LINGO1: variants seen among roughly 807,000 people sequenced by gnomAD.
The protein encoded by LINGO1 is leucine-rich repeat and immunoglobulin-like domain-containing nogo receptor-interacting protein 1.
In LINGO1, 11 loss-of-function variants were observed where a neutral mutation model predicts 37.3. That is an observed-to-expected ratio of 0.29 (90% confidence interval 0.19 to 0.49). LINGO1 has a LOEUF of 0.49. Among genes scored for constraint, LINGO1 ranks in the 20% least tolerant of loss-of-function variants. The pLI, the probability that LINGO1 is intolerant of heterozygous loss-of-function variation, is 0.99. For missense variants in LINGO1, 585 were observed against 878.2 expected (o/e 0.67, Z 4.22); for synonymous variants, 387 against 403.0 (o/e 0.96, Z 0.48).
chr15:77,710,003 G>T (rs1214526099), intron 2 of LINGO1, among the ~76,000 whole-genome samples: 2 of 152,240 alleles, frequency 1.3e-5, no homozygotes, highest in African/African-American at 4.8e-5. Context: ...AAAAGGGTGG[G>T]TCTGAGAAGG....
At chr15:77,736,067 G>C (rs1464029602) in intron 1 of LINGO1, among the ~76,000 whole-genome samples, 1 of 152,172 alleles carries the variant, frequency 6.6e-6, no homozygotes, top group Non-Finnish European at 1.5e-5. Flanking sequence ...TTTTTAAGAG[G>C]TTCAAATACA....
chr15:77,724,948 C>G (rs1203362133), intron 2 of LINGO1, among the ~76,000 whole-genome samples: 1 of 152,244 alleles, frequency 6.6e-6, no homozygotes, highest in Non-Finnish European at 1.5e-5. Context: ...CCGGCCACCG[C>G]CCCACCCCAG....
chr15:77,757,502 T>C (rs566915804), intron 1 of LINGO1, among the ~76,000 whole-genome samples: 1 of 152,348 alleles, frequency 6.6e-6, no homozygotes, highest in East Asian at 1.9e-4. Context: ...AGTTCCTTCA[T>C]TGGTCGATGG....
At chr15:77,664,164 TGTGTGTGCGC>T (rs1214925128) in intron 3 of LINGO1, among the ~76,000 whole-genome samples, 1 of 107,898 alleles carries the variant, frequency 9.3e-6, no homozygotes, top group Non-Finnish European at 2.0e-5. Context: ...TGTGTGTGTG[TGTGTGTGCGC>T]GCGCGCATGC....
intron 1 of LINGO1, among the ~76,000 whole-genome samples, chr15:77,620,513 T>C (rs2073884677): frequency 6.6e-6 from 1 of 152,148 alleles, no homozygotes; most frequent in African/African-American, 2.4e-5. Flanking sequence ...CAGGCAATGC[T>C]CCCTGACACA....
At chr15:77,794,667 A>C (rs1359684528) in intron 2 of LINGO1, among the ~76,000 whole-genome samples, 1 of 147,494 alleles carries the variant, frequency 6.8e-6, no homozygotes, top group Non-Finnish European at 1.5e-5. Flanking sequence ...GGCTCACTGC[A>C]AGCTCCACCT....
intron 3 of LINGO1, among the ~76,000 whole-genome samples, chr15:77,663,990 G>A (rs929987545): frequency 1.3e-5 from 2 of 152,166 alleles, no homozygotes; most frequent in East Asian, 1.9e-4. Flanking sequence ...GGCAGGACCC[G>A]GGCAAGCCTT....
At chr15:77,813,667 A>C (rs2077025229) in intron 1 of LINGO1, among the ~76,000 whole-genome samples, 1 of 152,206 alleles carries the variant, frequency 6.6e-6, no homozygotes, top group African/African-American at 2.4e-5. Context: ...ATCAAATTGC[A>C]GGACAGGGGA....
intron 2 of LINGO1, among the ~76,000 whole-genome samples, chr15:77,734,428 G>A (rs1234801659): frequency 1.3e-5 from 2 of 151,922 alleles, no homozygotes; most frequent in Non-Finnish European, 2.9e-5. Flanking sequence ...AAAGTTGGGG[G>A]CTACTGGGGT....
chr15:77,796,866 C>A (rs566229533), intron 1 of LINGO1, among the ~76,000 whole-genome samples: 2 of 152,192 alleles, frequency 1.3e-5, no homozygotes, highest in Admixed American at 1.3e-4. Flanking sequence ...GTGTGTATCA[C>A]CACACCTGGC....
At chr15:77,781,583 C>T (rs1670089018) in intron 1 of LINGO1, among the ~76,000 whole-genome samples, 1 of 152,228 alleles carries the variant, frequency 6.6e-6, no homozygotes, top group East Asian at 1.9e-4. Flanking sequence ...GGAGGCCCCC[C>T]AGTCGCTGCA....
intron 1 of LINGO1, among the ~76,000 whole-genome samples, chr15:77,773,210 C>A (rs2076603310): frequency 6.6e-6 from 1 of 152,188 alleles, no homozygotes; most frequent in Admixed American, 6.5e-5. Flanking sequence ...GGAGGCCGGA[C>A]CATGTGACTG....
At chr15:77,634,216 C>G (rs953532263), upstream of LINGO1, 37 of 445,924 alleles carry the variant, frequency 8.3e-5, no homozygotes, top group Admixed American at 2.6e-4. Flanking sequence ...CTCCCCACCC[C>G]CAACAGCACC....
At chr15:77,780,051 C>T (rs967125662) in intron 1 of LINGO1, among the ~76,000 whole-genome samples, 2 of 152,200 alleles carry the variant, frequency 1.3e-5, no homozygotes, top group African/African-American at 4.8e-5. Flanking sequence ...GGGCTGGGGA[C>T]AGCCATGCTA....
At chr15:77,634,374 T>A (rs1484471695), upstream of LINGO1, 1 of 455,722 alleles carries the variant, frequency 2.2e-6, no homozygotes. Flanking sequence ...CTGTCTCCTA[T>A]GTCTATGCCC....
At position 77,705,174 on chromosome 15, in the gene LINGO1, G is replaced by GACACACACACACAC. The variant is rs72451354; in HGVS notation, c.-194-14287_-194-14274dup. ...GAAGATACCCCCCTCCCCCTGCCAT[G>GACACACACACACAC]ACACACACACACACACACACACACA... is the stretch of plus-strand genomic sequence containing the variant. On this transcript the variant is annotated intron_variant, in intron 2 of 3. Coordinates refer to the LINGO1 transcript ENST00000561686. Among the ~76,000 whole-genome samples the GACACACACACACAC allele has an allele frequency of 6.9e-3, 684 of 99,110 alleles. 24 individuals carry two copies. Among genetic ancestry groups the GACACACACACACAC allele is most frequent in the African/African-American group, 0.016 (434 of 26,504 alleles). 65.0% of individuals were successfully genotyped at this position (99,110 alleles called of 152,430 possible).
upstream of LINGO1, among the ~76,000 whole-genome samples, chr15:77,701,478 G>A (rs1281401345): frequency 6.6e-6 from 1 of 152,150 alleles, no homozygotes; most frequent in Non-Finnish European, 1.5e-5. Flanking sequence ...TTGATCAAGA[G>A]GCCTGAGAAG....
chr15:77,770,265 A>G (rs1227522467), intron 1 of LINGO1, among the ~76,000 whole-genome samples: 1 of 152,176 alleles, frequency 6.6e-6, no homozygotes, highest in Non-Finnish European at 1.5e-5. Context: ...ACCACTGCCC[A>G]GAGGAGTGGA....
In LINGO1 at chr15:77,686,151, C is replaced by T. The variant is rs796488076; in HGVS notation, c.-99+4569G>A. Among the ~76,000 whole-genome samples, 10 of 152,278 alleles carry T rather than the reference C, an allele frequency of 6.6e-5. No individual in the cohort carries two copies. The South Asian group carries it at 1.9e-3, about 28-fold the overall frequency. On this transcript the variant is annotated intron_variant, in intron 2 of 3. Coordinates refer to the LINGO1 transcript ENST00000559893. ...AGAAGATCCTCCTTTCTGGGCTAGT[C>T]CCAAGCCCTAAGTCTGTGGTCGGAG...
Sources: allele counts gnomAD v4.1 joint callset (sites outside exome capture counted in the v4.1 genomes callset), GRCh38; gene constraint gnomAD v4.1.1; transcripts MANE v1.5; gene names NCBI Gene and HGNC (gene_info 2026-07-23, HGNC 2026-07-21).